The following CSMD1 variants were observed in gnomAD, a reference collection of about 807,000 sequenced individuals.
CSMD1 encodes CUB and Sushi multiple domains 1, also known as CUB and sushi domain-containing protein 1.
In CSMD1, 213 loss-of-function variants were observed where a neutral mutation model predicts 417.5. The observed-to-expected ratio is 0.51, with a 90% CI of 0.46 to 0.57. CSMD1 has a LOEUF of 0.57. Among genes scored for constraint, CSMD1 ranks in the 20% least tolerant of loss-of-function variants. The pLI, the probability that CSMD1 is intolerant of heterozygous loss-of-function variation, is 0.00. For synonymous variants in CSMD1, 2,862 were observed against 1,736.8 expected (o/e 1.65, Z -16.11); for missense variants, 6,923 against 4,529.7 (o/e 1.53, Z -15.17).
In CSMD1 at chr8:3,502,374, A is replaced by G. The variant is rs1796640760; in HGVS notation, c.1345-8648T>C. Among the ~76,000 whole-genome samples, 7 of 151,514 alleles carry G rather than the reference A, an allele frequency of 4.6e-5. No individual in the cohort carries two copies. The South Asian group carries it at 1.5e-3, about 32-fold the overall frequency. On this transcript the variant is annotated intron_variant, in intron 10 of 69. Coordinates refer to ENST00000635120, the MANE Select transcript of CSMD1 (RefSeq NM_033225.6). ...ACCGAGACTTCATCTCAAAAAAAAA[A>G]AAAAAAAGAAGTATTTCCACACAAC...
chr8:4,131,912 G>A (rs1031596515), intron 3 of CSMD1, among the ~76,000 whole-genome samples: 2 of 151,808 alleles, frequency 1.3e-5, no homozygotes, highest in African/African-American at 2.4e-5. Flanking sequence ...ACAGGTGCCC[G>A]CAACCACACC....
At chr8:4,828,059 T>G (rs1799936526) in intron 1 of CSMD1, among the ~76,000 whole-genome samples, 2 of 152,188 alleles carry the variant, frequency 1.3e-5, no homozygotes, top group African/African-American at 4.8e-5. Flanking sequence ...AGTGGGATTT[T>G]TTTTTACATG....
chr8:3,416,773 A>G (rs1813178970), intron 12 of CSMD1, among the ~76,000 whole-genome samples: 1 of 152,190 alleles, frequency 6.6e-6, no homozygotes, highest in Non-Finnish European at 1.5e-5. Context: ...CTGAGCCTAC[A>G]CTGCTGTGTG....
chr8:3,941,825 T>C (rs550290668), intron 5 of CSMD1, among the ~76,000 whole-genome samples: 1 of 152,098 alleles, frequency 6.6e-6, no homozygotes, highest in Admixed American at 6.6e-5. Context: ...AATAAAAATA[T>C]AGCGCAATTC....
chr8:3,906,157 T>C (rs980952669), intron 5 of CSMD1, among the ~76,000 whole-genome samples: 4 of 152,214 alleles, frequency 2.6e-5, no homozygotes, highest in Non-Finnish European at 2.9e-5. Flanking sequence ...GTAAGCATCA[T>C]ACTACCTGCA....
rs560163183 is a variant in CSMD1, at chr8:3,581,168, G to C, written c.1222+4968C>G. 3.9e-5 allele frequency among the ~76,000 whole-genome samples: 6 copies of C among 152,180 alleles called. No homozygotes were observed. The East Asian group carries it at 9.7e-4, about 24-fold the overall frequency. On this transcript the variant is annotated intron_variant, in intron 9 of 69. Transcript: ENST00000635120. ...TAAAGACTGATGGAATGAAGTACCA[G>C]CCTGAACATTTTACTTAAAAAAATA...
intron 1 of CSMD1, among the ~76,000 whole-genome samples, chr8:4,804,588 G>T (rs1249873196): frequency 6.6e-6 from 1 of 151,940 alleles, no homozygotes; most frequent in Non-Finnish European, 1.5e-5. Context: ...AGGGAGGAAG[G>T]AAGGAAGGAA....
chr8:3,943,908 A>G (rs940145027), intron 5 of CSMD1, among the ~76,000 whole-genome samples: 5 of 152,126 alleles, frequency 3.3e-5, no homozygotes, highest in African/African-American at 1.2e-4. Flanking sequence ...GTGATGCTGA[A>G]TTAGGTTCTG....
At chr8:3,868,058 C>T (rs1225410904) in intron 5 of CSMD1, among the ~76,000 whole-genome samples, 1 of 152,148 alleles carries the variant, frequency 6.6e-6, no homozygotes. Flanking sequence ...CTGTCCCTAT[C>T]ACCCATTGCC....
chr8:4,616,603 A>C (rs141565521), intron 2 of CSMD1, among the ~76,000 whole-genome samples: 2 of 152,342 alleles, frequency 1.3e-5, no homozygotes, highest in East Asian at 3.9e-4. Context: ...CTATAGAATA[A>C]GATACAGGAT....
chr8:4,779,082 A>G (rs899140312), intron 1 of CSMD1, among the ~76,000 whole-genome samples: 1 of 152,204 alleles, frequency 6.6e-6, no homozygotes, highest in African/African-American at 2.4e-5. Flanking sequence ...TCCTTACGAG[A>G]GGCCGTATCC....
At chr8:4,136,256 G>A (rs542388594) in intron 3 of CSMD1, among the ~76,000 whole-genome samples, 1 of 152,206 alleles carries the variant, frequency 6.6e-6, no homozygotes, top group African/African-American at 2.4e-5. Context: ...TTGACAGATT[G>A]TAACTTGAAC....
At chr8:4,734,283 T>C (rs932636373) in intron 1 of CSMD1, among the ~76,000 whole-genome samples, 8 of 152,164 alleles carry the variant, frequency 5.3e-5, no homozygotes, top group Non-Finnish European at 1.0e-4. Context: ...ATGTGATATA[T>C]TGAGCAGTAC....
intron 5 of CSMD1, among the ~76,000 whole-genome samples, chr8:3,958,819 G>T (rs114614357): frequency 1.3e-5 from 2 of 152,186 alleles, no homozygotes; most frequent in African/African-American, 4.8e-5. Flanking sequence ...CACATCAGGA[G>T]GATCTGCAGA....
At chr8:3,754,691 G>A (rs931148679) in intron 5 of CSMD1, among the ~76,000 whole-genome samples, 1 of 152,208 alleles carries the variant, frequency 6.6e-6, no homozygotes, top group South Asian at 2.1e-4. Context: ...GTGACCTCAG[G>A]TGATCTGCCT....
intron 21 of CSMD1, among the ~76,000 whole-genome samples, chr8:3,349,121 T>A (rs943952096): frequency 3.3e-5 from 5 of 152,218 alleles, no homozygotes; most frequent in African/African-American, 1.2e-4. Flanking sequence ...TTTTGAAGAA[T>A]AATTGTCAGG....
At chr8:3,694,688 G>A (rs4875253) in intron 7 of CSMD1, among the ~76,000 whole-genome samples, 80,082 of 151,290 alleles carry the variant, frequency 0.53, 21,602 homozygotes, top group Admixed American at 0.62. Flanking sequence ...AACTGCTGTG[G>A]GCTTTAGAGG....
chr8:3,580,664 G>A (rs1455197572), intron 9 of CSMD1, among the ~76,000 whole-genome samples: 3 of 152,136 alleles, frequency 2.0e-5, no homozygotes, highest in African/African-American at 4.8e-5. Context: ...AACAGCAGCA[G>A]AAATTTCTCC....
At chr8:4,968,627 C>T (rs1310375589) in intron 1 of CSMD1, among the ~76,000 whole-genome samples, 1 of 152,120 alleles carries the variant, frequency 6.6e-6, no homozygotes, top group Admixed American at 6.6e-5. Context: ...TCCCTCAGTG[C>T]TGATTTCAAA....
Sources: gnomAD v4.1 joint callset for allele counts (sites outside exome capture counted in the v4.1 genomes callset) on GRCh38, gnomAD v4.1.1 for gene constraint, MANE v1.5 for transcripts, NCBI Gene and HGNC (gene_info 2026-07-23, HGNC 2026-07-21) for gene names.